Variants in RPSA2 observed in about 807,000 individuals in gnomAD.
The protein encoded by RPSA2 is small ribosomal subunit protein uS2B.
the RPSA2 span, among the ~76,000 whole-genome samples, chr19:23,772,463 G>A: frequency 7.8e-4 from 119 of 152,250 alleles, no homozygotes; most frequent in Non-Finnish European, 1.5e-3. Flanking sequence ...TTATAAGTGC[G>A]ATGATTACTC....
the RPSA2 span, among the ~76,000 whole-genome samples, chr19:23,861,778 T>C: frequency 1.3e-5 from 2 of 152,180 alleles, no homozygotes; most frequent in Non-Finnish European, 2.9e-5. Context: ...AGCTGTTGAA[T>C]AGCTAGGCTG....
chr19:23,832,708 G>T, the RPSA2 span: 2 of 1,516,242 alleles, frequency 1.3e-6, no homozygotes, highest in Admixed American at 1.8e-5. Context: ...GCACACTGGA[G>T]AGAAACCCTA....
chr19:23,799,954 G>A, the RPSA2 span, among the ~76,000 whole-genome samples: 8 of 151,696 alleles, frequency 5.3e-5, no homozygotes, highest in East Asian at 1.6e-3. Context: ...ATGTCTTTTC[G>A]ATCTCTTAAG....
At chr19:23,832,002 G>A in the RPSA2 span, 4 of 408,872 alleles carry the variant, frequency 9.8e-6, no homozygotes, top group Non-Finnish European at 9.9e-6. Context: ...CCTTTAATTG[G>A]TCCTCAATCC....
chr19:23,780,172 C>T, the RPSA2 span, among the ~76,000 whole-genome samples: 44 of 152,250 alleles, frequency 2.9e-4, no homozygotes, highest in Admixed American at 6.5e-4. Context: ...AATTACCACT[C>T]TCTCGTATAT....
the RPSA2 span, among the ~76,000 whole-genome samples, chr19:23,824,582 T>TTCTTTTTTTTTTTTC: frequency 9.2e-6 from 1 of 108,730 alleles, no homozygotes; most frequent in East Asian, 2.6e-4. Flanking sequence ...TAGCATTTCT[T>TTCTTTTTTTTTTTTC]TTTTTTTTTT....
At chr19:23,810,413 AAAAAAAAGGG>A in the RPSA2 span, among the ~76,000 whole-genome samples, 88,275 of 99,308 alleles carry the variant, frequency 0.89, 39,698 homozygotes, top group South Asian at 0.96. Flanking sequence ...AAAAAAAAAA[AAAAAAAAGGG>A]AAAAGGGCTT....
the RPSA2 span, among the ~76,000 whole-genome samples, chr19:23,849,767 C>A: frequency 6.6e-6 from 1 of 152,130 alleles, no homozygotes; most frequent in African/African-American, 2.4e-5. Context: ...CAGTCTATTA[C>A]TAAACCATAT....
chr19:23,839,341 G>T, the RPSA2 span, among the ~76,000 whole-genome samples: 3 of 152,002 alleles, frequency 2.0e-5, no homozygotes, highest in Non-Finnish European at 4.4e-5. Flanking sequence ...ATTGAGGCGC[G>T]TTATGATTGT....
chr19:23,856,951 G>A, the RPSA2 span, among the ~76,000 whole-genome samples: 2 of 152,164 alleles, frequency 1.3e-5, no homozygotes, highest in African/African-American at 4.8e-5. Context: ...AGAAAACAAG[G>A]TTTGAGAGCA....
the RPSA2 span, chr19:23,831,754 A>C: frequency 3.6e-6 from 1 of 278,882 alleles, no homozygotes; most frequent in African/African-American, 2.3e-5. Context: ...TGCACAAAGA[A>C]GGTTATAATG....
chr19:23,827,203 TG>T, the RPSA2 span: 1 of 952,980 alleles, frequency 1.0e-6, no homozygotes, highest in African/African-American at 1.6e-5. Flanking sequence ...AGGAGGAGGA[TG>T]TCCTTAAGTT....
the RPSA2 span, among the ~76,000 whole-genome samples, chr19:23,840,433 A>G: frequency 1.3e-5 from 2 of 152,102 alleles, no homozygotes; most frequent in Non-Finnish European, 2.9e-5. Flanking sequence ...AAACATTCTT[A>G]TTGGGGATGG....
the RPSA2 span, among the ~76,000 whole-genome samples, chr19:23,826,382 G>T: frequency 2.0e-5 from 3 of 151,580 alleles, no homozygotes; most frequent in Non-Finnish European, 4.4e-5. Context: ...TAGTAAAGAT[G>T]CAGTTTCACC....
the RPSA2 span, among the ~76,000 whole-genome samples, chr19:23,866,407 G>T: frequency 6.6e-6 from 1 of 152,102 alleles, no homozygotes; most frequent in African/African-American, 2.4e-5. Flanking sequence ...AAGGAGCCAA[G>T]GATCAAACCC....
chr19:23,770,183 A>AG, the RPSA2 span, among the ~76,000 whole-genome samples: 150,887 of 152,340 alleles, frequency 0.99, 74,742 homozygotes, highest in Middle Eastern at 1. Flanking sequence ...CTCCCCATAA[A>AG]GGTAGTGTGA....
At chr19:23,848,754 A>G in the RPSA2 span, among the ~76,000 whole-genome samples, 2 of 152,234 alleles carry the variant, frequency 1.3e-5, no homozygotes, top group Non-Finnish European at 2.9e-5. Flanking sequence ...ACTGTCTTAA[A>G]TCATTCATTT....
At chr19:23,808,842 C>A in the RPSA2 span, 1 of 605,216 alleles carries the variant, frequency 1.7e-6, no homozygotes, top group African/African-American at 2.0e-5. Context: ...CAACAGACAA[C>A]ATGGATGAGA....
chr19:23,842,847 C>A, the RPSA2 span, among the ~76,000 whole-genome samples: 1 of 152,170 alleles, frequency 6.6e-6, no homozygotes, highest in African/African-American at 2.4e-5. Context: ...TTTATCTTAA[C>A]AGGAACCATC....
Sources: allele counts gnomAD v4.1 joint callset (sites outside exome capture counted in the v4.1 genomes callset), GRCh38; gene constraint gnomAD v4.1.1; transcripts MANE v1.5; gene names NCBI Gene and HGNC (gene_info 2026-07-23, HGNC 2026-07-21).